Variants in SYNE2 observed in about 807,000 individuals in gnomAD.
SYNE2 encodes the protein nesprin-2.
Under a neutral mutation model 856.3 loss-of-function variants are expected in SYNE2, and 431 were observed. The ratio of observed to expected loss-of-function variants is 0.50; its 90% confidence interval spans 0.47 to 0.55. The LOEUF is 0.55. Ranked by LOEUF, SYNE2 falls within the 20% of genes least tolerant of loss-of-function variation. The pLI is 0.00. For synonymous variants in SYNE2, 2,923 were observed against 2,872.3 expected (o/e 1.02, Z -0.56); for missense variants, 8,129 against 8,023.2 (o/e 1.01, Z -0.50).
chr14:64,221,653 C>T lies in SYNE2; in HGVS notation c.20139C>T (p.Thr6713=), dbSNP rs765716455. 1.4e-5 allele frequency: 23 copies of T among 1,613,924 alleles called. No individual in the cohort carries two copies. Among genetic ancestry groups the T allele is most frequent in the East Asian group, 2.2e-5 (1 of 44,882 alleles). ...AKNRRQKAHV[T]DPKADPRALL... ...ACCGGAGGCAGAAGGCTCATGTCACCGATCCAAAGGCAGACCCCCGGGCTC... is the reference window on the plus strand; with the variant it reads ...ACCGGAGGCAGAAGGCTCATGTCACTGATCCAAAGGCAGACCCCCGGGCTC... Residue 6713 remains threonine (T), a synonymous_variant, in exon 112 of 116, where the codon ACC becomes ACT. Coordinates refer to ENST00000555002, the MANE Select transcript of SYNE2 (RefSeq NM_182914.3).
intron 8 of SYNE2, among the ~76,000 whole-genome samples, chr14:63,958,236 T>C (rs1241021132): frequency 6.6e-6 from 1 of 152,218 alleles, no homozygotes; most frequent in Admixed American, 6.5e-5. Context: ...TAATACTTTA[T>C]TCATATTTTC....
intron 96 of SYNE2, among the ~76,000 whole-genome samples, chr14:64,178,738 A>C (rs1036684364): frequency 6.6e-6 from 1 of 152,130 alleles, no homozygotes; most frequent in African/African-American, 2.4e-5. Flanking sequence ...GCAGGCGCCC[A>C]GCCTGCTGTC....
In SYNE2 at chr14:64,088,655, A is replaced by G. The variant is rs191034191; in HGVS notation, c.11670+799A>G. Among the ~76,000 whole-genome samples, 27 of 152,332 alleles carry G rather than the reference A, an allele frequency of 1.8e-4. 1 individual carries two copies. The highest frequency in any genetic ancestry group is 3.2e-4 in the Non-Finnish European group (22 of 68,022). On this transcript the variant is annotated intron_variant, in intron 58 of 115. Coordinates refer to ENST00000555002, the MANE Select transcript of SYNE2 (RefSeq NM_182914.3). ...GTAAAACAGGTAGTCCCAAGTCTTT[A>G]TTTACCAATAGCAAATATTTATTGA...
chr14:63,835,027 AAAAT>A (rs1302124628), intron 1 of SYNE2, among the ~76,000 whole-genome samples: 1 of 152,148 alleles, frequency 6.6e-6, no homozygotes, highest in Non-Finnish European at 1.5e-5. Flanking sequence ...TAAATAAAAT[AAAAT>A]AAATAAAGCT....
Position 64,129,853 on chromosome 14 carries a change from G to A in SYNE2, c.14091G>A (p.Glu4697=). The part of the protein sequence containing the change: ...SRVAKLRDEG[E]RLHLPYALLQ... ...TGGCCAAACTAAGAGATGAAGGGGA[G>A]AGGCTTCATTTACCTTATGCTTTAC... Residue 4697 remains glutamate (E), a synonymous_variant, in exon 75 of 116, where the codon GAG becomes GAA. Coordinates refer to ENST00000555002, the MANE Select transcript of SYNE2 (RefSeq NM_182914.3). The A allele has an allele frequency of 6.2e-7, 1 of 1,614,186 alleles. No homozygotes were observed. Among genetic ancestry groups the A allele is most frequent in the Non-Finnish European group, 8.5e-7 (1 of 1,180,028 alleles).
chr14:64,176,255 T>C (rs1291834301), intron 95 of SYNE2, among the ~76,000 whole-genome samples: 2 of 152,220 alleles, frequency 1.3e-5, no homozygotes, highest in East Asian at 3.8e-4. Flanking sequence ...GTTCAACAGT[T>C]AAAATTTGAA....
At chr14:63,765,191 G>A (rs1476392195) in intron 1 of SYNE2, among the ~76,000 whole-genome samples, 3 of 152,164 alleles carry the variant, frequency 2.0e-5, no homozygotes, top group African/African-American at 4.8e-5. Flanking sequence ...TCAAGGGCAA[G>A]GGAGTTTGGG....
intron 12 of SYNE2, among the ~76,000 whole-genome samples, chr14:63,977,394 A>G (rs2096552454): frequency 6.6e-6 from 1 of 152,064 alleles, no homozygotes; most frequent in South Asian, 2.1e-4. Context: ...TTGTATTTTT[A>G]GTAGAGATGG....
chr14:63,959,811 T>G (rs2096287090), intron 8 of SYNE2, among the ~76,000 whole-genome samples: 1 of 152,186 alleles, frequency 6.6e-6, no homozygotes, highest in African/African-American at 2.4e-5. Context: ...TAAATACTTT[T>G]CTTATATTAT....
At chr14:63,939,103 G>A (rs1214206288) in intron 2 of SYNE2, among the ~76,000 whole-genome samples, 1 of 152,194 alleles carries the variant, frequency 6.6e-6, no homozygotes, top group Non-Finnish European at 1.5e-5. Flanking sequence ...GGTGCCATGG[G>A]TGTCTGGGCC....
intron 84 of SYNE2, among the ~76,000 whole-genome samples, chr14:64,151,778 T>C (rs2098246426): frequency 6.6e-6 from 1 of 152,226 alleles, no homozygotes; most frequent in South Asian, 2.1e-4. Flanking sequence ...GCCAAAGATC[T>C]CTTGTGTTTT....
At chr14:63,998,820 C>G (rs905299273) in intron 26 of SYNE2, 94 bp from the exon 27 acceptor site, 29 of 1,474,978 alleles carry the variant, frequency 2.0e-5, no homozygotes, top group Non-Finnish European at 2.3e-5. Flanking sequence ...GCCTTGGCCT[C>G]CCAAAGTGCT....
In SYNE2 at chr14:64,007,128, C is replaced by A. The variant is rs1404962422; in HGVS notation, c.4483C>A (p.Pro1495Thr). ...RHLQEMANSL[P>T]HFKDGREKTV... ...TTTACAAGAAATGGCTAATTCTCTT[C>A]CACACTTCAAAGATGGCAGAGAAAA... is the stretch of plus-strand genomic sequence containing the variant. The change falls in exon 31 of 116, where the codon CCA becomes ACA. Residue 1495 changes from proline to threonine, a missense_variant. This residue lies in a region of SYNE2 where 2,422 missense variants were observed against 2,357.4 expected (regional missense o/e 1.03). Coordinates refer to ENST00000555002, the MANE Select transcript of SYNE2 (RefSeq NM_182914.3). 1 of 1,613,638 alleles carries A rather than the reference C, an allele frequency of 6.2e-7. No individual in the cohort carries two copies. The highest frequency in any genetic ancestry group is 8.5e-7 in the Non-Finnish European group (1 of 1,179,726).
chr14:63,774,209 C>G (rs549225466), intron 1 of SYNE2, among the ~76,000 whole-genome samples: 1 of 152,024 alleles, frequency 6.6e-6, no homozygotes, highest in Non-Finnish European at 1.5e-5. Flanking sequence ...TGGCTCACGC[C>G]TGTAATCCCA....
chr14:63,765,866 T>C (rs1157402230), intron 1 of SYNE2, among the ~76,000 whole-genome samples: 2 of 152,036 alleles, frequency 1.3e-5, no homozygotes, highest in African/African-American at 4.8e-5. Flanking sequence ...CCTGGCCAGG[T>C]GTGTTGGTGC....
chr14:64,061,292 C>G (rs934679419), intron 49 of SYNE2, among the ~76,000 whole-genome samples: 1 of 152,162 alleles, frequency 6.6e-6, no homozygotes, highest in African/African-American at 2.4e-5. Flanking sequence ...AATTTATTTA[C>G]TTAGCTATTG....
chr14:64,158,637 A>G lies in SYNE2; in HGVS notation c.15805A>G (p.Lys5269Glu). The G allele has an allele frequency of 1.2e-6, 2 of 1,613,890 alleles. No individual in the cohort carries two copies. The highest frequency in any genetic ancestry group is 1.7e-6 in the Non-Finnish European group (2 of 1,179,784). Residue 5269 changes from lysine to glutamate, a missense_variant, in exon 86 of 116, where the codon AAA becomes GAA. Physicochemically the swap from Lys to Glu is moderately conservative, Grantham distance 56. This residue lies in a region of SYNE2 where 5,410 missense variants were observed against 5,284.8 expected (regional missense o/e 1.02). Transcript: ENST00000555002. ...ACTTTTTGTCTAGGTCAATCAGCTC[A>G]AAACCTCCATGCAGTCAGTTTTACA... The part of the protein sequence containing the change: ...SSVLTQVNQL[K>E]TSMQSVLQEW...
intron 19 of SYNE2, among the ~76,000 whole-genome samples, chr14:63,987,301 C>T (rs951710735): frequency 1.3e-5 from 2 of 151,950 alleles, no homozygotes; most frequent in Non-Finnish European, 1.5e-5. Context: ...TGAAAGTTCA[C>T]CCTCTGATGA....
intron 60 of SYNE2, among the ~76,000 whole-genome samples, chr14:64,092,856 C>T (rs2097638194): frequency 1.3e-5 from 2 of 152,182 alleles, no homozygotes; most frequent in South Asian, 4.1e-4. Context: ...CCAAGGGGTA[C>T]CAGGTGAAGA....
Sources: allele counts gnomAD v4.1 joint callset (sites outside exome capture counted in the v4.1 genomes callset), GRCh38; gene constraint gnomAD v4.1.1; regional missense constraint gnomAD v4.1.1; transcripts MANE v1.5; gene names NCBI Gene and HGNC (gene_info 2026-07-23, HGNC 2026-07-21).